STOX2: variants seen among roughly 807,000 people sequenced by gnomAD.
The protein encoded by STOX2 is storkhead box 2, also known as storkhead-box protein 2.
Under a neutral mutation model 60.9 loss-of-function variants are expected in STOX2, and 28 were observed. The ratio of observed to expected loss-of-function variants is 0.46; its 90% CI spans 0.34 to 0.63. STOX2 has a LOEUF of 0.63. STOX2 is among the 30% of genes least tolerant of loss of function. The pLI is 0.01. For synonymous variants in STOX2, 472 were observed against 463.9 expected, an observed-to-expected ratio of 1.02 and a Z score of -0.22; for missense variants, 1,024 against 1,187.7, an observed-to-expected ratio of 0.86 and a Z score of 2.03.
chr4:183,866,200 C>T (rs1740563177), intron 1 of STOX2, among the ~76,000 whole-genome samples: 1 of 152,180 alleles, frequency 6.6e-6, no homozygotes, highest in African/African-American at 2.4e-5. Context: ...GGCCACCCCT[C>T]TGCCCCTTCT....
intron 1 of STOX2, among the ~76,000 whole-genome samples, chr4:183,918,253 A>T (rs1486488292): frequency 6.6e-6 from 1 of 152,252 alleles, no homozygotes; most frequent in African/African-American, 2.4e-5. Flanking sequence ...AAGGAAATTC[A>T]CAGAATTATT....
intron 1 of STOX2, among the ~76,000 whole-genome samples, chr4:183,829,095 A>G (rs1179883142): frequency 6.6e-6 from 1 of 152,260 alleles, no homozygotes. Context: ...TATTTTGCCA[A>G]TTAGCATTAA....
chr4:183,810,456 G>A (rs982442453), intron 1 of STOX2, among the ~76,000 whole-genome samples: 82 of 152,272 alleles, frequency 5.4e-4, no homozygotes, highest in Non-Finnish European at 2.1e-4. Flanking sequence ...ACACAGCATG[G>A]GCAAGTGGCA....
chr4:183,837,333 A>G (rs1739735372), intron 1 of STOX2, among the ~76,000 whole-genome samples: 1 of 152,008 alleles, frequency 6.6e-6, no homozygotes, highest in South Asian at 2.1e-4. Context: ...ATCCCCTGGC[A>G]CCCTTTATTC....
intron 3 of STOX2, chr4:184,014,745 A>G (rs1734299347): frequency 6.6e-6 from 1 of 152,294 alleles, no homozygotes; most frequent in Admixed American, 6.5e-5. Flanking sequence ...ACCACAATTT[A>G]CCACTATTAC....
chr4:183,884,896 A>C (rs1741045984), intron 1 of STOX2, among the ~76,000 whole-genome samples: 1 of 152,214 alleles, frequency 6.6e-6, no homozygotes, highest in Non-Finnish European at 1.5e-5. Context: ...CGGTCATGAA[A>C]GTAAACCTTG....
chr4:184,014,136 A>T (rs958968523), intron 3 of STOX2: 10 of 135,528 alleles, frequency 7.4e-5, no homozygotes, highest in African/African-American at 2.7e-4. Flanking sequence ...AAAAAAAAAC[A>T]GAAAAAGACC....
rs1432284282 is a variant in STOX2, at chr4:184,004,555, A to G, written c.319+3078A>G. ...GCCGAGCTTGCAGTGAGCTGAGATC[A>G]CGCCACTGCACTCCAGCCTGGGCGA... On this transcript the variant is annotated intron_variant, in intron 2 of 3. Transcript: ENST00000308497. Among the ~76,000 whole-genome samples, 4 of 152,272 alleles carry G rather than the reference A, an allele frequency of 2.6e-5. No homozygotes were observed. In the South Asian group the frequency reaches 6.2e-4, roughly 24 times the overall value.
chr4:183,948,826 C>T (rs114633458), intron 1 of STOX2, among the ~76,000 whole-genome samples: 124 of 152,200 alleles, frequency 8.1e-4, no homozygotes, highest in Middle Eastern at 3.4e-3. Flanking sequence ...GCCACTGTGC[C>T]GGGCTGCCTT....
Position 184,019,141 on chromosome 4 carries a change from C to T in STOX2, c.*1857C>T, listed in dbSNP as rs1457674511. 4 of 152,198 alleles carry T rather than the reference C, an allele frequency of 2.6e-5. No individual in the cohort carries two copies. The highest frequency in any genetic ancestry group is 4.4e-5 in the Non-Finnish European group (3 of 68,040). The allele number at this position is 152,198 out of a possible 1,614,324, so 9.4% of individuals were successfully genotyped here. A position where few individuals can be genotyped will look rare whatever the true frequency, so the allele number is the denominator to read the frequency against. Reference sequence around the variant, plus strand: ...AAGTTGCATTGGGTCAAACTGAACTCCTTGAGTTTGGTGTAAATTCCTTTT... The same window carrying T: ...AAGTTGCATTGGGTCAAACTGAACTTCTTGAGTTTGGTGTAAATTCCTTTT... On this transcript the variant is annotated 3_prime_UTR_variant, in exon 4 of 4. Transcript: ENST00000308497.
At chr4:183,866,602 G>A (rs969802869) in intron 1 of STOX2, among the ~76,000 whole-genome samples, 5 of 152,128 alleles carry the variant, frequency 3.3e-5, no homozygotes, top group Admixed American at 2.0e-4. Flanking sequence ...GCCAGATCCC[G>A]GCAATGATGT....
intron 1 of STOX2, among the ~76,000 whole-genome samples, chr4:183,893,114 T>C (rs1207545540): frequency 6.6e-6 from 1 of 152,132 alleles, no homozygotes; most frequent in Non-Finnish European, 1.5e-5. Context: ...ACTTTCTTTT[T>C]TTTTTTTTCC....
chr4:183,888,520 C>A (rs75368102), intron 1 of STOX2, among the ~76,000 whole-genome samples: 18,657 of 152,058 alleles, frequency 0.12, 1,300 homozygotes, highest in East Asian at 0.21. Flanking sequence ...TGTCCTGTTT[C>A]CTCCCGACCT....
chr4:183,965,932 C>T (rs1743553001), intron 1 of STOX2, among the ~76,000 whole-genome samples: 1 of 151,974 alleles, frequency 6.6e-6, no homozygotes, highest in Non-Finnish European at 1.5e-5. Context: ...GGTGGTGCTA[C>T]AGTCCAAACC....
Position 183,856,132 on chromosome 4 carries a change from C to A in STOX2, c.364+58077C>A, listed in dbSNP as rs1740280570. Among the ~76,000 whole-genome samples the A allele has an allele frequency of 1.3e-5, 2 of 152,138 alleles. No individual in the cohort carries two copies. Among genetic ancestry groups the A allele is most frequent in the Admixed American group, 6.5e-5 (1 of 15,282 alleles). On this transcript the variant is annotated intron_variant, in intron 1 of 2. Transcript: ENST00000513034. The surrounding 1 kb of genome is among the most constrained non-coding windows in gnomAD (Gnocchi z 4.0). ...ACATCCTAAGTGCGCACCCTGGGGT[C>A]TCGAATAGGCTGGTCACAGATTTCT... is the stretch of plus-strand genomic sequence containing the variant.
At chr4:183,942,115 T>G (rs1263625255) in intron 1 of STOX2, among the ~76,000 whole-genome samples, 1 of 152,192 alleles carries the variant, frequency 6.6e-6, no homozygotes, top group Admixed American at 6.5e-5. Flanking sequence ...TTTGGCTCAA[T>G]CAATGTAATT....
At chr4:183,899,043 A>G (rs1285195058) in intron 1 of STOX2, among the ~76,000 whole-genome samples, 1 of 152,004 alleles carries the variant, frequency 6.6e-6, no homozygotes, top group Non-Finnish European at 1.5e-5. Flanking sequence ...CAATATTTCA[A>G]ACTTGTTCAT....
At chr4:183,993,574 C>A (rs1223172928) in intron 1 of STOX2, among the ~76,000 whole-genome samples, 1 of 151,952 alleles carries the variant, frequency 6.6e-6, no homozygotes, top group East Asian at 1.9e-4. Flanking sequence ...TTTAAGATAC[C>A]CATTAAGTGT....
chr4:183,873,621 T>C (rs566787131), intron 1 of STOX2, among the ~76,000 whole-genome samples: 2 of 152,282 alleles, frequency 1.3e-5, no homozygotes, highest in Admixed American at 6.5e-5. Flanking sequence ...CCATAGATAT[T>C]GTGGGATAGT....
Sources: allele counts gnomAD v4.1 joint callset (sites outside exome capture counted in the v4.1 genomes callset), GRCh38; gene constraint gnomAD v4.1.1; non-coding constraint Gnocchi (gnomAD v3.1); transcripts MANE v1.5; gene names NCBI Gene and HGNC (gene_info 2026-07-23, HGNC 2026-07-21).